The following DPP4 variants were observed in gnomAD, a reference collection of about 807,000 sequenced individuals.
The protein encoded by DPP4 is dipeptidyl peptidase 4, also known as ADCP-2.
DPP4 carries 93 observed loss-of-function variants against 122.4 expected under a neutral mutation model. The ratio of observed to expected loss-of-function variants is 0.76; its 90% CI spans 0.64 to 0.90. The LOEUF is 0.90. Among genes scored for constraint, DPP4 ranks in the 40% least tolerant of loss-of-function variants. DPP4 has a pLI of 0.00. For missense variants in DPP4, 914 were observed against 907.3 expected (o/e 1.01, Z -0.09); for synonymous variants, 321 against 302.9 (o/e 1.06, Z -0.62).
At chr2:162,053,927 C>T (rs966580336) in intron 2 of DPP4, among the ~76,000 whole-genome samples, 3 of 152,190 alleles carry the variant, frequency 2.0e-5, no homozygotes, top group African/African-American at 7.2e-5. Context: ...GGCCCCACAA[C>T]TGTAGAGTCA....
In DPP4 at chr2:162,038,248, A is replaced by G; in HGVS notation, c.613+54T>C. ...TTTCCCATTGCAAAAGAAACATTTA[A>G]CTATTTTAAAAGCTTATAGATTTTC... On this transcript the variant is annotated intron_variant, in intron 8 of 25. Transcript: ENST00000360534. The G allele has an allele frequency of 2.1e-6, 3 of 1,452,466 alleles. No individual in the cohort carries two copies. In the South Asian group the frequency reaches 4.1e-5, roughly 20 times the overall value. The allele number at this position is 1,452,466 out of a possible 1,614,324, so 90.0% of individuals were successfully genotyped here.
intron 12 of DPP4, among the ~76,000 whole-genome samples, chr2:162,021,793 A>AT (rs1172922258): frequency 2.0e-5 from 3 of 152,182 alleles, no homozygotes; most frequent in South Asian, 2.1e-4. Context: ...GAAAAAACAT[A>AT]TTTTTTTCAA....
At chr2:162,073,289 C>G (rs1685181780) in intron 2 of DPP4, 110 bp downstream of exon 2, 1 of 1,047,074 alleles carries the variant, frequency 9.6e-7, no homozygotes, top group South Asian at 1.4e-5. Context: ...AGCTACACTT[C>G]GGGGCACTGG....
At chr2:162,007,936 G>A (rs1291603082) in intron 22 of DPP4, among the ~76,000 whole-genome samples, 2 of 152,022 alleles carry the variant, frequency 1.3e-5, no homozygotes, top group South Asian at 2.1e-4. Context: ...GTTAGAAGAG[G>A]TGCAGGAAAA....
At position 162,004,541 on chromosome 2, in the gene DPP4, G is replaced by A. The variant is rs369234480; in HGVS notation, c.2052+1204C>T. Among the ~76,000 whole-genome samples the A allele has an allele frequency of 7.8e-4, 118 of 151,808 alleles. 1 individual carries two copies. The highest frequency in any genetic ancestry group is 2.7e-3 in the African/African-American group (113 of 41,376). On this transcript the variant is annotated intron_variant, in intron 23 of 25. Transcript: ENST00000360534. ...TGACTGAGAAACAGACATGAAAACC[G>A]TCATACAGCCACTAACACAAAAATA... is the stretch of plus-strand genomic sequence containing the variant.
At chr2:162,020,534 A>C (rs1576044343) in intron 13 of DPP4, 47 bp downstream of exon 13, 1 of 1,475,802 alleles carries the variant, frequency 6.8e-7, no homozygotes, top group African/African-American at 1.4e-5. Flanking sequence ...TGGTTTCCAA[A>C]AAAAAAAAAG....
chr2:162,041,498 T>G (rs529396752), intron 5 of DPP4, among the ~76,000 whole-genome samples: 2 of 152,264 alleles, frequency 1.3e-5, no homozygotes, highest in Admixed American at 1.3e-4. Flanking sequence ...TTCCTAACCT[T>G]AACTATTTAT....
intron 2 of DPP4, among the ~76,000 whole-genome samples, chr2:162,055,545 A>G (rs1047301132): frequency 8.5e-5 from 13 of 152,248 alleles, no homozygotes; most frequent in South Asian, 6.2e-4. Context: ...AAAATACAAA[A>G]AAAAGTCATC....
At position 162,018,714 on chromosome 2, in the gene DPP4, G is replaced by A. The variant is rs1196820313; in HGVS notation, c.1420+15C>T. On this transcript the variant is annotated intron_variant, in intron 16 of 25. Coordinates refer to ENST00000360534, the MANE Select transcript of DPP4 (RefSeq NM_001935.4). Reference sequence around the variant, plus strand: ...CAGCGGCGACTGCCCTCCCTCCCAGGGAGCTCAGACTTACCGGAACATCTC... The same window carrying A: ...CAGCGGCGACTGCCCTCCCTCCCAGAGAGCTCAGACTTACCGGAACATCTC... 6.2e-7 allele frequency: 1 copy of A among 1,611,882 alleles called. No homozygotes were observed. The highest frequency in any genetic ancestry group is 1.1e-5 in the South Asian group (1 of 90,454).
At chr2:162,003,747 G>A (rs1701212471) in intron 23 of DPP4, among the ~76,000 whole-genome samples, 1 of 152,122 alleles carries the variant, frequency 6.6e-6, no homozygotes. Flanking sequence ...AGAAATTCTT[G>A]TATAACAATG....
At position 162,020,302 on chromosome 2, in the gene DPP4, G is replaced by GTTT. The variant is rs745661783; in HGVS notation, c.1177-7_1177-6insAAA. The GTTT allele has an allele frequency of 1.5e-5, 20 of 1,290,890 alleles. No individual in the cohort carries two copies. The highest frequency in any genetic ancestry group is 3.3e-5 in the East Asian group (1 of 30,132). The allele number at this position is 1,290,890 out of a possible 1,614,324, so 80.0% of individuals were successfully genotyped here. ...TTTGTAATAAATGTGCAGTCCTGAT[G>GTTT]GTTTTTTTTTTTTTTCAAAAAAAAA... On this transcript the variant is annotated splice_polypyrimidine_tract_variant and splice_region_variant and intron_variant, in intron 13 of 25. Transcript: ENST00000360534.
In DPP4 at chr2:162,035,304, A is replaced by G. The variant is rs763914127; in HGVS notation, c.634T>C (p.Ser212Pro). The change falls in exon 9 of 26, where the codon TCT becomes CCT. Residue 212 changes from serine to proline, a missense_variant. Physicochemically the swap from Ser to Pro is moderately conservative, Grantham distance 74. Coordinates refer to ENST00000360534, the MANE Select transcript of DPP4 (RefSeq NM_001935.4). ...VYEEEVFSAY[S>P]ALWWSPNGTF... Reference sequence around the variant, plus strand: ...CCGTTTGGAGACCACCACAGAGCAGAGTAGGCACTGAAGACTTCCTCTGAA... The same window carrying G: ...CCGTTTGGAGACCACCACAGAGCAGGGTAGGCACTGAAGACTTCCTCTGAA... 5.0e-6 allele frequency: 8 copies of G among 1,612,658 alleles called. No individual in the cohort carries two copies. Among genetic ancestry groups the G allele is most frequent in the Non-Finnish European group, 6.8e-6 (8 of 1,179,606 alleles).
chr2:162,071,499 G>A (rs1482585803), intron 2 of DPP4, among the ~76,000 whole-genome samples: 3 of 152,172 alleles, frequency 2.0e-5, no homozygotes, highest in Admixed American at 6.5e-5. Context: ...AAAATTATCC[G>A]GGCGTGGTGG....
At chr2:162,005,031 C>T (rs539065535) in intron 23 of DPP4, among the ~76,000 whole-genome samples, 7 of 152,208 alleles carry the variant, frequency 4.6e-5, no homozygotes, top group African/African-American at 1.7e-4. Context: ...CAGAAGGGTC[C>T]CTAGTACTTA....
chr2:162,060,977 C>T lies in DPP4; in HGVS notation c.94+12422G>A, dbSNP rs1343624264. Among the ~76,000 whole-genome samples, 6 of 127,430 alleles carry T rather than the reference C, an allele frequency of 4.7e-5. No homozygotes were observed. In the East Asian group the frequency reaches 1.3e-3, roughly 28 times the overall value. 83.6% of individuals were successfully genotyped at this position (127,430 alleles called of 152,430 possible). The stretch of plus-strand genomic sequence containing the variant: ...GCCTCCTTCTTTCTTAGCTTCCTTC[C>T]TTCCCTCCCTCCCTCCCTCCCTCCC... On this transcript the variant is annotated intron_variant, in intron 2 of 25. Coordinates refer to ENST00000360534, the MANE Select transcript of DPP4 (RefSeq NM_001935.4).
At chr2:162,020,451 C>T (rs1683083677) in intron 13 of DPP4, 130 bp downstream of exon 13, 2 of 959,794 alleles carry the variant, frequency 2.1e-6, no homozygotes, top group East Asian at 2.6e-5. Context: ...ACACAATACA[C>T]CACTGAGGAG....
chr2:162,016,780 A>G lies in DPP4; in HGVS notation c.1555T>C (p.Leu519=). The change falls in exon 18 of 26, where the codon TTG becomes CTG. Residue 519 remains leucine (L), a synonymous_variant. Coordinates refer to ENST00000360534, the MANE Select transcript of DPP4 (RefSeq NM_001935.4). ...MPSKKLDFII[L]NETKFWYQMI... ...GAATTTAACTTACTTGTTTCATTCA[A>G]AATAATGAAGTCCAGTTTTTTGGAG... 6 of 1,611,824 alleles carry G rather than the reference A, an allele frequency of 3.7e-6. No individual in the cohort carries two copies. The South Asian group carries it at 4.4e-5, about 12-fold the overall frequency.
At chr2:162,006,581 AATG>A (rs1701287542) in intron 22 of DPP4, among the ~76,000 whole-genome samples, 1 of 152,178 alleles carries the variant, frequency 6.6e-6, no homozygotes, top group Non-Finnish European at 1.5e-5. Flanking sequence ...TGTCTGCTGA[AATG>A]ACATAAGCTC....
intron 12 of DPP4, 61 bp downstream of exon 12, chr2:162,022,693 CT>C (rs1683173959): frequency 6.6e-7 from 1 of 1,511,724 alleles, no homozygotes; most frequent in Admixed American, 1.7e-5. Flanking sequence ...TTTTAAATAG[CT>C]GCATATCAAA....
Sources: allele counts gnomAD v4.1 joint callset (sites outside exome capture counted in the v4.1 genomes callset), GRCh38; gene constraint gnomAD v4.1.1; transcripts MANE v1.5; gene names NCBI Gene and HGNC (gene_info 2026-07-23, HGNC 2026-07-21).